AOAH: variants seen among roughly 807,000 people sequenced by gnomAD.
AOAH encodes acyloxyacyl hydrolase, also known as acyloxyacyl hydrolase (neutrophil).
Under a neutral mutation model 92.2 loss-of-function variants are expected in AOAH, and 64 were observed. The ratio of observed to expected loss-of-function variants is 0.69; its 90% CI spans 0.57 to 0.86. AOAH has a LOEUF of 0.86. Ranked by LOEUF, AOAH falls within the 40% of genes least tolerant of loss-of-function variation. AOAH has a pLI of 0.00. For synonymous variants in AOAH, 263 were observed against 254.5 expected, an observed-to-expected ratio of 1.03 and a Z score of -0.32; for missense variants, 656 against 694.6, an observed-to-expected ratio of 0.94 and a Z score of 0.62.
chr7:36,522,280 T>C (rs1784145397), intron 19 of AOAH, among the ~76,000 whole-genome samples, 165 bp from the exon 20 acceptor site: 1 of 152,238 alleles, frequency 6.6e-6, no homozygotes, highest in African/African-American at 2.4e-5. Context: ...TGAACAGAAA[T>C]GATCTTCCCG....
At chr7:36,535,020 GTGTC>G (rs1214464296) in intron 16 of AOAH, among the ~76,000 whole-genome samples, 2 of 13,614 alleles carry the variant, frequency 1.5e-4, no homozygotes, top group African/African-American at 2.4e-4. Context: ...GTGTGTGTCT[GTGTC>G]TGTGTGTGTG....
intron 3 of AOAH, among the ~76,000 whole-genome samples, chr7:36,663,877 T>C (rs1031736997): frequency 1.4e-5 from 2 of 146,638 alleles, no homozygotes; most frequent in African/African-American, 5.5e-5. Flanking sequence ...GAAACTATAC[T>C]TTTTTTTCAG....
intron 11 of AOAH, among the ~76,000 whole-genome samples, chr7:36,600,784 T>C (rs2115662392): frequency 6.6e-6 from 1 of 152,300 alleles, no homozygotes; most frequent in Non-Finnish European, 1.5e-5. Context: ...ACGTGAGGCT[T>C]CCTGGTTGCC....
intron 13 of AOAH, among the ~76,000 whole-genome samples, chr7:36,569,277 A>T (rs1460051009): frequency 6.6e-6 from 1 of 152,152 alleles, no homozygotes; most frequent in Non-Finnish European, 1.5e-5. Flanking sequence ...TGAAAAAGAC[A>T]TTATATTCCA....
chr7:36,578,739 T>G (rs1788708477), intron 12 of AOAH, among the ~76,000 whole-genome samples: 1 of 152,258 alleles, frequency 6.6e-6, no homozygotes, highest in Non-Finnish European at 1.5e-5. Context: ...CTTTCTAACT[T>G]TTTTATTTCT....
At chr7:36,556,025 G>C (rs1372129066) in intron 13 of AOAH, among the ~76,000 whole-genome samples, 1 of 152,018 alleles carries the variant, frequency 6.6e-6, no homozygotes, top group Admixed American at 6.6e-5. Flanking sequence ...CCTTCTGCTA[G>C]CTTTTGAATG....
intron 13 of AOAH, among the ~76,000 whole-genome samples, chr7:36,553,025 T>G (rs1256633831): frequency 6.6e-6 from 1 of 151,806 alleles, no homozygotes; most frequent in African/African-American, 2.4e-5. Flanking sequence ...ATGTGCAGGT[T>G]ACTTACATAT....
chr7:36,689,484 G>C (rs1358784514), intron 1 of AOAH, among the ~76,000 whole-genome samples: 1 of 152,172 alleles, frequency 6.6e-6, no homozygotes, highest in Admixed American at 6.5e-5. Flanking sequence ...GCATCCTCAA[G>C]TGGCTGAAGG....
At chr7:36,558,131 C>G (rs1377721690) in intron 13 of AOAH, among the ~76,000 whole-genome samples, 1 of 152,072 alleles carries the variant, frequency 6.6e-6, no homozygotes, top group African/African-American at 2.4e-5. Context: ...TACTTTTGGT[C>G]TTTGATGATG....
chr7:36,690,042 G>T (rs1797291083), intron 1 of AOAH: 10 of 349,370 alleles, frequency 2.9e-5, no homozygotes, highest in South Asian at 2.2e-4. Context: ...GGCTTAGAAG[G>T]ATAAATGCAA....
At chr7:36,549,377 G>A (rs1786026603) in intron 14 of AOAH, 62 bp downstream of exon 14, 10 of 1,284,650 alleles carry the variant, frequency 7.8e-6, no homozygotes, top group Non-Finnish European at 7.9e-6. Flanking sequence ...TAATAACAGA[G>A]TTTTCATTCC....
chr7:36,541,223 CACA>C (rs2116201962), intron 15 of AOAH, among the ~76,000 whole-genome samples: 1 of 152,330 alleles, frequency 6.6e-6, no homozygotes, highest in African/African-American at 2.4e-5. Context: ...AACAGCATTT[CACA>C]ACAATTCCAG....
At chr7:36,705,546 T>C (rs866654492) in intron 1 of AOAH, among the ~76,000 whole-genome samples, 1 of 152,100 alleles carries the variant, frequency 6.6e-6, no homozygotes, top group Admixed American at 6.6e-5. Flanking sequence ...ATCGTGAAAA[T>C]GGCCATACTG....
At chr7:36,531,529 G>A (rs1003162859) in intron 18 of AOAH, among the ~76,000 whole-genome samples, 1 of 152,058 alleles carries the variant, frequency 6.6e-6, no homozygotes, top group African/African-American at 2.4e-5. Flanking sequence ...GTATTTTTTA[G>A]TAGAGATGGG....
intron 19 of AOAH, among the ~76,000 whole-genome samples, chr7:36,528,084 C>T (rs1314376619): frequency 7.9e-5 from 12 of 152,110 alleles, no homozygotes; most frequent in Admixed American, 5.9e-4. Flanking sequence ...GAGGCAGGTC[C>T]CACAGTGGTC....
At chr7:36,517,175 T>TTTCTTTCTTTCTTTCC (rs1783783495) in intron 20 of AOAH, among the ~76,000 whole-genome samples, 1 of 51,982 alleles carries the variant, frequency 1.9e-5, no homozygotes, top group Non-Finnish European at 4.0e-5. Context: ...TCTTTCTTTC[T>TTTCTTTCTTTCTTTCC]TTCTTTCTTT....
chr7:36,557,357 G>C (rs1786822918), intron 13 of AOAH, among the ~76,000 whole-genome samples: 1 of 152,242 alleles, frequency 6.6e-6, no homozygotes, highest in Non-Finnish European at 1.5e-5. Flanking sequence ...GAGATCAGCT[G>C]TTAGTCTGAT....
chr7:36,532,380 T>C, intron 16 of AOAH, 36 bp from the exon 17 acceptor site: 1 of 1,606,386 alleles, frequency 6.2e-7, no homozygotes, highest in Non-Finnish European at 8.5e-7. Context: ...TTGCATCCAC[T>C]CGGCAATAGC....
intron 4 of AOAH, among the ~76,000 whole-genome samples, chr7:36,656,208 A>G (rs765378417): frequency 1.3e-5 from 2 of 152,220 alleles, no homozygotes; most frequent in African/African-American, 2.4e-5. Context: ...GGGGAATTCT[A>G]CATGAAATGA....
Sources: gnomAD v4.1 joint callset for allele counts (sites outside exome capture counted in the v4.1 genomes callset) on GRCh38, gnomAD v4.1.1 for gene constraint, MANE v1.5 for transcripts, NCBI Gene and HGNC (gene_info 2026-07-23, HGNC 2026-07-21) for gene names.